The following ASPH variants were observed in gnomAD, a reference collection of about 807,000 sequenced individuals.
ASPH encodes the protein aspartyl/asparaginyl beta-hydroxylase.
A neutral mutation model predicts 118.4 loss-of-function variants in ASPH; 100 were observed. The observed-to-expected ratio is 0.84, with a 90% CI of 0.72 to 1.00. The LOEUF (loss-of-function observed/expected upper bound fraction) is 1.00, where lower values mean the gene tolerates loss of function less well. Ranked by LOEUF, ASPH falls within the 50% of genes least tolerant of loss-of-function variation. The probability of loss-of-function intolerance (pLI) is 0.00; values close to 1 mark genes in which losing one functional copy is unlikely to be tolerated. For missense variants in ASPH, 920 were observed against 919.5 expected (o/e 1.00, Z -0.01); for synonymous variants, 315 against 325.6 (o/e 0.97, Z 0.35).
chr8:61,596,749 T>C (rs1034653306), intron 14 of ASPH, among the ~76,000 whole-genome samples: 3 of 152,218 alleles, frequency 2.0e-5, no homozygotes, highest in Non-Finnish European at 4.4e-5. Flanking sequence ...AAAAAGTCTT[T>C]CCTATGAAAG....
chr8:61,584,562 C>A (rs1465274271), intron 14 of ASPH, among the ~76,000 whole-genome samples: 1 of 152,160 alleles, frequency 6.6e-6, no homozygotes, highest in African/African-American at 2.4e-5. Flanking sequence ...AAATAGACTG[C>A]CCCATGATCC....
In ASPH at chr8:61,501,375, T is replaced by C. The variant is rs181143951; in HGVS notation, c.*1984A>G. The C allele has an allele frequency of 6.6e-5, 10 of 152,306 alleles. No homozygotes were observed. The East Asian group carries it at 1.9e-3, about 29-fold the overall frequency. 9.4% of individuals were successfully genotyped at this position (152,306 alleles called of 1,614,324 possible). A position where few individuals can be genotyped will look rare whatever the true frequency, so the allele number is the denominator to read the frequency against. On this transcript the variant is annotated 3_prime_UTR_variant, in exon 25 of 25. Transcript: ENST00000379454. ...CAATTGGCAATACTTAGAACCTTAC[T>C]GTAGTGACCTGATTTTAAATACCAT...
Position 61,611,491 on chromosome 8 carries a change from C to T in ASPH, c.976+7487G>A, listed in dbSNP as rs185400287. Among the ~76,000 whole-genome samples the T allele has an allele frequency of 4.6e-5, 7 of 152,302 alleles. No homozygotes were observed. The East Asian group carries it at 9.6e-4, about 21-fold the overall frequency. On this transcript the variant is annotated intron_variant, in intron 14 of 24. Coordinates refer to ENST00000379454, the MANE Select transcript of ASPH (RefSeq NM_004318.4). Reference sequence around the variant, plus strand: ...GGCAAGAATCACTGGAGGCTGCCTTCGAGGCTGACTACTATAAAAATCTAC... The same window carrying T: ...GGCAAGAATCACTGGAGGCTGCCTTTGAGGCTGACTACTATAAAAATCTAC...
intron 16 of ASPH, among the ~76,000 whole-genome samples, chr8:61,570,932 AT>A (rs1833300241): frequency 6.6e-6 from 1 of 152,220 alleles, no homozygotes; most frequent in South Asian, 2.1e-4. Flanking sequence ...ATCAAAATTA[AT>A]TTTGGTGATA....
intron 3 of ASPH, chr8:61,665,257 G>T (rs146584245): frequency 2.5e-6 from 4 of 1,589,008 alleles, no homozygotes; most frequent in Non-Finnish European, 3.4e-6. Context: ...AGCTTTAGCC[G>T]TTTCTTTTCT....
At chr8:61,588,006 C>G (rs2132767493) in intron 14 of ASPH, among the ~76,000 whole-genome samples, 1 of 152,242 alleles carries the variant, frequency 6.6e-6, no homozygotes, top group East Asian at 1.9e-4. Context: ...CTTAAGGTCT[C>G]TTTGAACTCA....
At chr8:61,526,844 G>A (rs991758009) in intron 21 of ASPH, among the ~76,000 whole-genome samples, 54 of 152,118 alleles carry the variant, frequency 3.5e-4, no homozygotes, top group African/African-American at 1.3e-3. Context: ...AGGAGTGGGA[G>A]GTGGGGGACA....
At chr8:61,544,083 C>G (rs1822937056) in intron 21 of ASPH, among the ~76,000 whole-genome samples, 1 of 152,102 alleles carries the variant, frequency 6.6e-6, no homozygotes, top group South Asian at 2.1e-4. Flanking sequence ...TGATGTGGCC[C>G]CACTAGTGCC....
At chr8:61,583,785 G>T (rs1331622753) in intron 15 of ASPH, among the ~76,000 whole-genome samples, 159 bp downstream of exon 15, 6 of 151,900 alleles carry the variant, frequency 3.9e-5, no homozygotes, top group Non-Finnish European at 7.4e-5. Flanking sequence ...TCTTCCATCT[G>T]ATTCATTTCA....
rs1381971399 is a variant in ASPH, at chr8:61,660,272, C to G, written c.323-6612G>C. The G allele has an allele frequency of 2.0e-5, 3 of 152,084 alleles. No homozygotes were observed. The East Asian group carries it at 5.8e-4, about 29-fold the overall frequency. The allele number at this position is 152,084 out of a possible 1,614,324, so 9.4% of individuals were successfully genotyped here. A position where few individuals can be genotyped will look rare whatever the true frequency, so the allele number is the denominator to read the frequency against. The stretch of plus-strand genomic sequence containing the variant: ...CTATTTTGGCCCATCCCATTCACCT[C>G]TCTGTATTTGGGCAGGGGGAGAAGT... On this transcript the variant is annotated intron_variant, in intron 3 of 24. Transcript: ENST00000379454.
At chr8:61,520,646 C>T (rs749728746) in intron 22 of ASPH, among the ~76,000 whole-genome samples, 2 of 152,308 alleles carry the variant, frequency 1.3e-5, no homozygotes, top group Non-Finnish European at 1.5e-5. Flanking sequence ...CTACGAGTCA[C>T]CGTAAAGTGT....
chr8:61,685,105 G>T (rs959385983), intron 1 of ASPH, among the ~76,000 whole-genome samples: 1 of 152,076 alleles, frequency 6.6e-6, no homozygotes, highest in South Asian at 2.1e-4. Context: ...GCTTTCATGT[G>T]CTTTGCTGCC....
chr8:61,607,115 G>T, intron 14 of ASPH: 1 of 543,298 alleles, frequency 1.8e-6, no homozygotes, highest in South Asian at 2.4e-5. Context: ...TACTTGCTTT[G>T]CTTTCAGAGC....
chr8:61,551,123 G>A (rs1055813942), intron 20 of ASPH, among the ~76,000 whole-genome samples: 3 of 152,198 alleles, frequency 2.0e-5, no homozygotes, highest in South Asian at 2.1e-4. Context: ...TAGCTAGAAC[G>A]TGGATTTGGA....
chr8:61,655,999 G>A (rs1448227010), intron 3 of ASPH: 1 of 152,112 alleles, frequency 6.6e-6, no homozygotes, highest in African/African-American at 2.4e-5. Flanking sequence ...TGCCGTACAA[G>A]ATTTTATTTC....
chr8:61,581,656 T>C (rs1226432501), intron 15 of ASPH, among the ~76,000 whole-genome samples: 1 of 152,210 alleles, frequency 6.6e-6, no homozygotes, highest in Admixed American at 6.5e-5. Context: ...TTTTCCATGT[T>C]GTCCCTCGAG....
At chr8:61,581,903 G>A (rs1303698541) in intron 15 of ASPH, among the ~76,000 whole-genome samples, 1 of 152,068 alleles carries the variant, frequency 6.6e-6, no homozygotes, top group Non-Finnish European at 1.5e-5. Context: ...TAGAGGATTG[G>A]AATATAATCT....
intron 1 of ASPH, among the ~76,000 whole-genome samples, chr8:61,694,534 C>T (rs143475888): frequency 1.4e-4 from 22 of 152,312 alleles, no homozygotes; most frequent in Non-Finnish European, 2.8e-4. Context: ...CCTCATCTGA[C>T]TTGACCCTCT....
intron 3 of ASPH, chr8:61,665,049 C>CAA (rs1357018778): frequency 1.5e-6 from 2 of 1,301,632 alleles, no homozygotes; most frequent in Non-Finnish European, 1.9e-6. Context: ...TATTCTATGA[C>CAA]ATTTTTAAAA....
Sources: gnomAD v4.1 joint callset for allele counts (sites outside exome capture counted in the v4.1 genomes callset) on GRCh38, gnomAD v4.1.1 for gene constraint, MANE v1.5 for transcripts, NCBI Gene and HGNC (gene_info 2026-07-23, HGNC 2026-07-21) for gene names.